HHATL: variants seen among roughly 807,000 people sequenced by gnomAD.
HHATL encodes the protein protein-cysteine N-palmitoyltransferase HHAT-like protein.
HHATL carries 49 observed loss-of-function variants against 59.7 expected under a neutral mutation model. That is an observed-to-expected ratio of 0.82 (90% CI 0.65 to 1.04). The LOEUF (loss-of-function observed/expected upper bound fraction) is 1.04. Among genes scored for constraint, HHATL ranks in the 50% least tolerant of loss-of-function variants. The probability of loss-of-function intolerance (pLI) is 0.00; values close to 1 mark genes in which losing one functional copy is unlikely to be tolerated. For missense variants in HHATL, 605 were observed against 650.8 expected (o/e 0.93, Z 0.77); for synonymous variants, 238 against 257.3 (o/e 0.93, Z 0.72).
rs1291518059 is a variant in HHATL at position 42,699,041 on chromosome 3, A to G, written c.279T>C (p.Val93=). The stretch of plus-strand genomic sequence containing the variant: ...CCCAGGTCCAGCTCACCTTTGGGGC[A>G]ACCATCGTGCAGAGTTTAGCAAACA... The part of the protein sequence containing the change: ...HVLFAKLCTM[V]APKLRSWMYA... Residue 93 remains valine (V), a synonymous_variant, in exon 4 of 12, where the codon GTT becomes GTC. Coordinates refer to ENST00000441594, the MANE Select transcript of HHATL (RefSeq NM_020707.4). 1 of 1,614,146 alleles carries G rather than the reference A, an allele frequency of 6.2e-7. No homozygotes were observed. The highest frequency in any genetic ancestry group is 1.1e-5 in the South Asian group (1 of 91,086).
At position 42,700,300 on chromosome 3, in the gene HHATL, G is replaced by A. The variant is rs566755424; in HGVS notation, c.106+421C>T. On this transcript the variant is annotated intron_variant, in intron 2 of 11. Transcript: ENST00000441594. ...TCTCTGTGTGTGTATGTGTGTGTGT[G>A]TGTGTTGGGGGGTGTGTGTATATGT... 2.2e-3 allele frequency among the ~76,000 whole-genome samples: 321 copies of A among 149,120 alleles called. 1 individual carries two copies. Among genetic ancestry groups the A allele is most frequent in the African/African-American group, 7.5e-3 (302 of 40,310 alleles).
chr3:42,697,940 G>A (rs1470484408), intron 6 of HHATL, among the ~76,000 whole-genome samples: 1 of 152,172 alleles, frequency 6.6e-6, no homozygotes, highest in Non-Finnish European at 1.5e-5. Flanking sequence ...AAAGAGACAT[G>A]TCTCCACCCT....
rs1283131995 is a variant in HHATL, at chr3:42,701,787, T to C, written c.-14+792A>G. Reference sequence around the variant, plus strand: ...GCTCAGGGGCTTCCCAAGGACTCCATGGATACAGACATAGGACCCAAATTA... The same window carrying C: ...GCTCAGGGGCTTCCCAAGGACTCCACGGATACAGACATAGGACCCAAATTA... On this transcript the variant is annotated intron_variant, in intron 1 of 11. Coordinates refer to ENST00000441594, the MANE Select transcript of HHATL (RefSeq NM_020707.4). This position sits in a 1 kb window ranked among gnomAD's most constrained non-coding sequence, Gnocchi z 5.1. Among the ~76,000 whole-genome samples the C allele has an allele frequency of 2.0e-5, 3 of 152,192 alleles. No individual in the cohort carries two copies. Among genetic ancestry groups the C allele is most frequent in the Admixed American group, 6.5e-5 (1 of 15,274 alleles).
At position 42,698,797 on chromosome 3, in the gene HHATL, C is replaced by T. The variant is rs1697776798; in HGVS notation, c.394G>A (p.Ala132Thr). The T allele has an allele frequency of 6.2e-7, 1 of 1,613,246 alleles. No individual in the cohort carries two copies. The highest frequency in any genetic ancestry group is 8.5e-7 in the Non-Finnish European group (1 of 1,179,788). ...AGCCAGGGCTGGCCCAAAAGCGAGGCCACATAGAGGCCCACACAGTGACCA... is the reference window on the plus strand; with the variant it reads ...AGCCAGGGCTGGCCCAAAAGCGAGGTCACATAGAGGCCCACACAGTGACCA... ...LLGHCVGLYV[A>T]SLLGQPWLCL... The change falls in exon 5 of 12, where the codon GCC becomes ACC. Residue 132 changes from alanine to threonine, a missense_variant. Ala to Thr is a moderately conservative substitution (Grantham distance 58). Transcript: ENST00000441594.
At chr3:42,698,977 T>C (rs1697794519) in intron 4 of HHATL, 55 bp downstream of exon 4, 1 of 1,611,512 alleles carries the variant, frequency 6.2e-7, no homozygotes, top group South Asian at 1.1e-5. Context: ...CCCACAACCC[T>C]TGTGGTGAAA....
intron 8 of HHATL, 33 bp from the exon 9 acceptor site, chr3:42,696,910 T>C (rs1403200023): frequency 1.9e-6 from 3 of 1,614,108 alleles, no homozygotes; most frequent in Non-Finnish European, 2.5e-6. Flanking sequence ...CATGTTGCCA[T>C]CAGGCGCAGA....
At chr3:42,700,306 T>TG (rs995059917) in intron 2 of HHATL, among the ~76,000 whole-genome samples, 4 of 93,882 alleles carry the variant, frequency 4.3e-5, no homozygotes, top group African/African-American at 8.4e-5. Flanking sequence ...GTGTGTGTGT[T>TG]GGGGGGTGTG....
chr3:42,692,972 T>G, intron 11 of HHATL, 97 bp from the exon 12 acceptor site: 2 of 1,585,076 alleles, frequency 1.3e-6, no homozygotes, highest in Non-Finnish European at 1.7e-6. Context: ...GGCCCTCCCT[T>G]CTGAGTCCCA....
chr3:42,693,849 G>C (rs1697471067), intron 9 of HHATL, 31 bp from the exon 10 acceptor site: 1 of 1,583,882 alleles, frequency 6.3e-7, no homozygotes, highest in East Asian at 2.2e-5. Flanking sequence ...GGGCCACTGG[G>C]AGTGTGGGAA....
intron 5 of HHATL, 90 bp from the exon 6 acceptor site, chr3:42,698,441 CCCAG>C: frequency 1.6e-6 from 2 of 1,253,874 alleles, no homozygotes; most frequent in Admixed American, 4.1e-5. Context: ...CCCACAGGGG[CCCAG>C]CCTGGTCCTG....
rs1484869116 is a variant in HHATL, at chr3:42,702,729, G to A, written c.-164C>T. On this transcript the variant is annotated 5_prime_UTR_variant, in exon 1 of 12. Transcript: ENST00000441594. The stretch of plus-strand genomic sequence containing the variant: ...TCCCCACCCCCTTGAGGTTATGAGC[G>A]GTGAGTGGTGACAGCGGGAGGAGGA... 1.3e-5 allele frequency: 2 copies of A among 153,828 alleles called. No homozygotes were observed. The highest frequency in any genetic ancestry group is 2.4e-5 in the African/African-American group (1 of 41,476). The allele number at this position is 153,828 out of a possible 1,614,324, so 9.5% of individuals were successfully genotyped here.
At position 42,701,474 on chromosome 3, in the gene HHATL, CG is replaced by C. The variant is rs1697984093; in HGVS notation, c.-13-636del. 6.5e-6 allele frequency: 1 copy of C among 152,922 alleles called. No individual in the cohort carries two copies. Among genetic ancestry groups the C allele is most frequent in the Non-Finnish European group, 1.5e-5 (1 of 68,528 alleles). The allele number at this position is 152,922 out of a possible 1,614,324, so 9.5% of individuals were successfully genotyped here. ...TCACATCCCAGTCCCTGCCTGTGTC[CG>C]TGACCACACTGCCCCACTCTCTCAG... On this transcript the variant is annotated intron_variant, in intron 1 of 11. Transcript: ENST00000441594. This position sits in a 1 kb window ranked among gnomAD's most constrained non-coding sequence, Gnocchi z 5.1.
rs115049213 is a variant in HHATL, at chr3:42,697,389, C to T, written c.865+119G>A. On this transcript the variant is annotated intron_variant, in intron 7 of 11. Transcript: ENST00000441594. ...TAGAAAGAATAAGCCCCTGCTCCCA[C>T]GCCCTCAGGTGCTGTGCCCTGCGTG... 3.7e-3 allele frequency: 4,520 copies of T among 1,208,994 alleles called. 127 individuals are homozygous for T. The African/African-American group carries it at 0.057, about 15-fold the overall frequency. The allele number at this position is 1,208,994 out of a possible 1,614,324, so 74.9% of individuals were successfully genotyped here. A position where few individuals can be genotyped will look rare whatever the true frequency, so the allele number is the denominator to read the frequency against.
chr3:42,693,883 G>A, intron 9 of HHATL, 65 bp from the exon 10 acceptor site: 1 of 1,380,698 alleles, frequency 7.2e-7, no homozygotes, highest in Non-Finnish European at 1.0e-6. Flanking sequence ...GATGGGAGAG[G>A]ACACACAACA....
chr3:42,699,658 C>T (rs1458298817), intron 3 of HHATL, 100 bp downstream of exon 3: 6 of 1,014,138 alleles, frequency 5.9e-6, no homozygotes, highest in African/African-American at 3.2e-5. Context: ...CCAGAGGCCC[C>T]AGAGCTGTGA....
Position 42,702,593 on chromosome 3 carries a change from A to C in HHATL, c.-28T>G, listed in dbSNP as rs1698055933. The stretch of plus-strand genomic sequence containing the variant: ...CTGGCACTGACCTTGAGGAGGCCGC[A>C]AGGGACCCTGGCACACTGCCCACCT... On this transcript the variant is annotated 5_prime_UTR_variant, in exon 1 of 12. Coordinates refer to ENST00000441594, the MANE Select transcript of HHATL (RefSeq NM_020707.4). 1 of 152,466 alleles carries C rather than the reference A, an allele frequency of 6.6e-6. No individual in the cohort carries two copies. The highest frequency in any genetic ancestry group is 6.5e-5 in the Admixed American group (1 of 15,286). 9.4% of individuals were successfully genotyped at this position (152,466 alleles called of 1,614,324 possible). A position where few individuals can be genotyped will look rare whatever the true frequency, so the allele number is the denominator to read the frequency against.
rs151093970 is a variant in HHATL at position 42,693,806 on chromosome 3, G to A, written c.1059C>T (p.Asn353=). The A allele has an allele frequency of 4.3e-6, 7 of 1,613,544 alleles. No homozygotes were observed. In the African/African-American group the frequency reaches 9.3e-5, roughly 22 times the overall value. Residue 353 remains asparagine (N), a synonymous_variant, in exon 10 of 12, where the codon AAC becomes AAT. Coordinates refer to ENST00000441594, the MANE Select transcript of HHATL (RefSeq NM_020707.4). ...INDWLCKYVY[N]HIGGEHSAVI... ...CAGCGGAATGCTCCCCACCAATGTG[G>A]TTATACACATATCTGCAGGAAAGAT... is the stretch of plus-strand genomic sequence containing the variant.
rs778493564 is a variant in HHATL, at chr3:42,698,291, A to G, written c.544T>C (p.Phe182Leu). The G allele has an allele frequency of 1.2e-6, 2 of 1,614,042 alleles. No homozygotes were observed. The highest frequency in any genetic ancestry group is 3.3e-5 in the Admixed American group (2 of 60,016). Residue 182 changes from phenylalanine to leucine, a missense_variant, in exon 6 of 12, where the codon TTC (phenylalanine) becomes CTC (leucine). Phe to Leu is a conservative substitution (Grantham distance 22). Coordinates refer to ENST00000441594, the MANE Select transcript of HHATL (RefSeq NM_020707.4). ...AAGCTGGTGCAACGCAGCACTGTGA[A>G]GCTGCTGCCCCCATGAAACAGCACC... is the stretch of plus-strand genomic sequence containing the variant. ...QEVLFHGGSS[F>L]TVLRCTSFAL...
At chr3:42,693,570 G>T in intron 10 of HHATL, 47 bp downstream of exon 10, 1 of 1,490,632 alleles carries the variant, frequency 6.7e-7, no homozygotes, top group Non-Finnish European at 9.3e-7. Context: ...GTGCCCCCCC[G>T]CCCTCTATGA....
Sources: gnomAD v4.1 joint callset for allele counts (sites outside exome capture counted in the v4.1 genomes callset) on GRCh38, gnomAD v4.1.1 for gene constraint, Gnocchi (gnomAD v3.1) non-coding constraint, MANE v1.5 for transcripts, NCBI Gene and HGNC (gene_info 2026-07-23, HGNC 2026-07-21) for gene names.